Variants in RSPO2 observed in about 807,000 individuals in gnomAD.
RSPO2 encodes R-spondin-2.
Under a neutral mutation model 30.9 loss-of-function variants are expected in RSPO2, and 14 were observed. The observed-to-expected ratio is 0.45, with a 90% CI of 0.30 to 0.71. The LOEUF (loss-of-function observed/expected upper bound fraction) is 0.71. RSPO2 is among the 30% of genes least tolerant of loss of function. The pLI is 0.08. For synonymous variants in RSPO2, 107 were observed against 96.4 expected (o/e 1.11, Z -0.64); for missense variants, 264 against 301.9 (o/e 0.87, Z 0.93).
chr8:107,975,474 C>T (rs940786267), intron 3 of RSPO2, among the ~76,000 whole-genome samples: 2 of 152,192 alleles, frequency 1.3e-5, no homozygotes, highest in Admixed American at 1.3e-4. Context: ...GTTCACTTGC[C>T]TCTGGTAGTC....
chr8:108,003,267 G>T (rs1195803437), intron 2 of RSPO2, among the ~76,000 whole-genome samples: 4 of 84,746 alleles, frequency 4.7e-5, no homozygotes, highest in Middle Eastern at 5.2e-3. Flanking sequence ...GTGTGTGTGT[G>T]TGTGTGTGTG....
At chr8:108,008,726 T>A (rs1810585740) in intron 2 of RSPO2, among the ~76,000 whole-genome samples, 1 of 151,552 alleles carries the variant, frequency 6.6e-6, no homozygotes, top group South Asian at 2.1e-4. Context: ...TCAATGTAAG[T>A]CTATGTTCAC....
At chr8:107,920,422 A>G (rs1812122440) in intron 5 of RSPO2, among the ~76,000 whole-genome samples, 1 of 152,136 alleles carries the variant, frequency 6.6e-6, no homozygotes. Flanking sequence ...CAACTCCAAA[A>G]AAACTAAATC....
chr8:107,943,131 C>T (rs1031282425), intron 5 of RSPO2, among the ~76,000 whole-genome samples: 4 of 152,174 alleles, frequency 2.6e-5, no homozygotes, highest in Non-Finnish European at 4.4e-5. Context: ...AACAAAATGC[C>T]GAGCCCAACA....
At chr8:107,956,019 T>C (rs1398342142) in intron 5 of RSPO2, among the ~76,000 whole-genome samples, 2 of 152,208 alleles carry the variant, frequency 1.3e-5, no homozygotes, top group Non-Finnish European at 2.9e-5. Flanking sequence ...CGCCATGACC[T>C]ATTGAAGAAA....
chr8:107,982,022 A>C (rs1321984277), intron 3 of RSPO2, among the ~76,000 whole-genome samples: 1 of 150,246 alleles, frequency 6.7e-6, no homozygotes, highest in Non-Finnish European at 1.5e-5. Flanking sequence ...AAAAAAAAAA[A>C]AAAAAAAAAA....
intron 5 of RSPO2, 22 bp from the exon 6 acceptor site, chr8:107,901,212 A>G: frequency 1.3e-6 from 2 of 1,596,680 alleles, no homozygotes; most frequent in Non-Finnish European, 1.7e-6. Context: ...GAAAGAAAAG[A>G]AGAGATGTCA....
chr8:108,059,052 T>C (rs1306452078), intron 2 of RSPO2, among the ~76,000 whole-genome samples: 2 of 151,196 alleles, frequency 1.3e-5, no homozygotes, highest in African/African-American at 2.4e-5. Flanking sequence ...ACCATCAGAG[T>C]GAAACAGGCA....
In RSPO2 at chr8:107,915,765, G is replaced by A. The variant is rs376390164; in HGVS notation, c.617-14575C>T. On this transcript the variant is annotated intron_variant, in intron 5 of 5. Transcript: ENST00000276659. Reference sequence around the variant, plus strand: ...ACTATCCACTCTTCGCAGGTGACTAGTGTCTGTTTTGTTATGTGTATTTTG... The same window carrying A: ...ACTATCCACTCTTCGCAGGTGACTAATGTCTGTTTTGTTATGTGTATTTTG... 3.4e-4 allele frequency among the ~76,000 whole-genome samples: 52 copies of A among 152,234 alleles called. No individual in the cohort carries two copies. In the South Asian group the frequency reaches 4.1e-3, roughly 12 times the overall value.
chr8:107,964,593 T>G (rs1209901148), intron 3 of RSPO2, among the ~76,000 whole-genome samples: 1 of 152,094 alleles, frequency 6.6e-6, no homozygotes, highest in Non-Finnish European at 1.5e-5. Context: ...GTCTCCTACT[T>G]GATGTGCTTC....
intron 2 of RSPO2, among the ~76,000 whole-genome samples, chr8:108,059,794 T>G (rs1212408174): frequency 2.1e-5 from 3 of 141,342 alleles, no homozygotes; most frequent in African/African-American, 8.0e-5. Flanking sequence ...TAGGTGGGAA[T>G]TGAACAATGA....
chr8:107,947,334 A>G (rs1813097148), intron 5 of RSPO2, among the ~76,000 whole-genome samples: 1 of 152,234 alleles, frequency 6.6e-6, no homozygotes, highest in Admixed American at 6.5e-5. Context: ...AGGAAATACT[A>G]CATCCAAGGA....
At chr8:108,072,316 G>C (rs566453089) in intron 2 of RSPO2, among the ~76,000 whole-genome samples, 2 of 132,656 alleles carry the variant, frequency 1.5e-5, no homozygotes, top group African/African-American at 3.0e-5. Flanking sequence ...AGATGGCAGA[G>C]AACTTTTTTT....
chr8:107,987,598 G>C (rs757199826), intron 3 of RSPO2, among the ~76,000 whole-genome samples: 69 of 152,296 alleles, frequency 4.5e-4, no homozygotes, highest in Admixed American at 1.6e-3. Context: ...CAGGGACCAA[G>C]GACACTAAAT....
chr8:107,963,969 A>T (rs993356164), intron 3 of RSPO2, among the ~76,000 whole-genome samples: 1 of 152,180 alleles, frequency 6.6e-6, no homozygotes, highest in Non-Finnish European at 1.5e-5. Context: ...TTGTTTTCAC[A>T]TGTTCAATAG....
intron 2 of RSPO2, among the ~76,000 whole-genome samples, chr8:108,022,523 A>G (rs181883839): frequency 1.4e-4 from 22 of 152,322 alleles, no homozygotes; most frequent in Non-Finnish European, 2.5e-4. Flanking sequence ...CTTAACACAC[A>G]TAACTATGGA....
chr8:107,920,171 T>A (rs1256086170), intron 5 of RSPO2, among the ~76,000 whole-genome samples: 10 of 152,102 alleles, frequency 6.6e-5, no homozygotes, highest in Admixed American at 5.2e-4. Flanking sequence ...GAAGAGTTGA[T>A]TCTCTCTCTT....
chr8:107,949,872 T>A (rs1263290792), intron 5 of RSPO2, among the ~76,000 whole-genome samples: 2 of 152,230 alleles, frequency 1.3e-5, no homozygotes, highest in Non-Finnish European at 2.9e-5. Context: ...TATATGATTT[T>A]TTTAAAGTCC....
At chr8:108,068,831 C>T (rs779391424) in intron 2 of RSPO2, among the ~76,000 whole-genome samples, 8 of 152,196 alleles carry the variant, frequency 5.3e-5, no homozygotes, top group Non-Finnish European at 8.8e-5. Flanking sequence ...CCCCTAGAGT[C>T]TCAGAGAGAG....
Sources: gnomAD v4.1 joint callset for allele counts (sites outside exome capture counted in the v4.1 genomes callset) on GRCh38, gnomAD v4.1.1 for gene constraint, MANE v1.5 for transcripts, NCBI Gene and HGNC (gene_info 2026-07-23, HGNC 2026-07-21) for gene names.